Variants in ZNF609 observed in about 807,000 individuals in gnomAD.
ZNF609 encodes the protein zinc finger protein 609.
In ZNF609, 11 loss-of-function variants were observed where a neutral mutation model predicts 109.5. The ratio of observed to expected loss-of-function variants is 0.10; its 90% CI spans 0.06 to 0.17. ZNF609 has a LOEUF of 0.17. ZNF609 is among the 10% of genes least tolerant of loss of function. The pLI, the probability that ZNF609 is intolerant of heterozygous loss-of-function variation, is 1.00. For synonymous variants in ZNF609, 646 were observed against 662.0 expected (o/e 0.98, Z 0.37); for missense variants, 1,559 against 1,772.4 (o/e 0.88, Z 2.16).
intron 3 of ZNF609, among the ~76,000 whole-genome samples, chr15:64,647,175 T>C (rs1896348848): frequency 6.6e-6 from 1 of 151,008 alleles, no homozygotes. Context: ...ACAATGTGGA[T>C]GAACCTTGAA....
At chr15:64,466,389 C>T (rs868366297) in intron 1 of ZNF609, among the ~76,000 whole-genome samples, 15 of 152,182 alleles carry the variant, frequency 9.9e-5, no homozygotes, top group African/African-American at 3.4e-4. Context: ...TGCCCCTTCT[C>T]TTGAAACACA....
Position 64,680,749 on chromosome 15 carries a change from G to T in ZNF609, c.4049G>T (p.Ser1350Ile). Reference sequence around the variant, plus strand: ...GGGGGAGCAAGTGGGGGTGAACGGAGTGTTGACCGGCCCCGCACCTCTCCT... The same window carrying T: ...GGGGGAGCAAGTGGGGGTGAACGGATTGTTGACCGGCCCCGCACCTCTCCT... Reference protein sequence around the residue: ...SVGGASGGERSVDRPRTSPSQ... With the variant: ...SVGGASGGERIVDRPRTSPSQ... Residue 1350 changes from serine to isoleucine, a missense_variant, in exon 8 of 10, where the codon AGT becomes ATT. Physicochemically the swap from Ser to Ile is moderately radical, Grantham distance 142 (BLOSUM62 -2). This residue lies in a region of ZNF609 where 1,204 missense variants were observed against 1,314.1 expected (regional missense o/e 0.92). Coordinates refer to ENST00000326648, the MANE Select transcript of ZNF609 (RefSeq NM_015042.2). The T allele has an allele frequency of 6.2e-7, 1 of 1,613,656 alleles. No individual in the cohort carries two copies. Among genetic ancestry groups the T allele is most frequent in the Non-Finnish European group, 8.5e-7 (1 of 1,180,004 alleles).
intron 2 of ZNF609, among the ~76,000 whole-genome samples, chr15:64,534,858 C>G (rs1259547144): frequency 6.6e-6 from 1 of 151,864 alleles, no homozygotes; most frequent in Non-Finnish European, 1.5e-5. Flanking sequence ...CGTGGTGAAA[C>G]CCTATCTCCA....
At position 64,673,911 on chromosome 15, in the gene ZNF609, C is replaced by A; in HGVS notation, c.1062-5C>A. 6.2e-7 allele frequency: 1 copy of A among 1,607,150 alleles called. No individual in the cohort carries two copies. The highest frequency in any genetic ancestry group is 8.5e-7 in the Non-Finnish European group (1 of 1,175,598). On this transcript the variant is annotated splice_polypyrimidine_tract_variant and splice_region_variant and intron_variant, in intron 4 of 9. Transcript: ENST00000326648. ...AATATTCTGTTGTGTTTATCCTTTG[C>A]CAAGGTTCTGTGACTCCCCGACCAG...
intron 3 of ZNF609, among the ~76,000 whole-genome samples, chr15:64,623,558 C>T (rs1895910315): frequency 6.6e-6 from 1 of 152,146 alleles, no homozygotes; most frequent in Non-Finnish European, 1.5e-5. Flanking sequence ...GCCACCCACA[C>T]CGCTTCATGT....
chr15:64,623,102 G>A, intron 3 of ZNF609, 50 bp downstream of exon 3: 1 of 1,568,384 alleles, frequency 6.4e-7, no homozygotes, highest in Non-Finnish European at 8.8e-7. Flanking sequence ...GCTTCTGCAG[G>A]GGAGCCACCA....
chr15:64,547,141 C>T (rs1372336978), intron 2 of ZNF609, among the ~76,000 whole-genome samples: 2 of 147,152 alleles, frequency 1.4e-5, no homozygotes, highest in East Asian at 3.9e-4. Flanking sequence ...TTTCATTTTT[C>T]ATTTGTTTGC....
intron 3 of ZNF609, among the ~76,000 whole-genome samples, chr15:64,627,652 T>C (rs901971973): frequency 3.2e-5 from 4 of 125,364 alleles, no homozygotes; most frequent in African/African-American, 1.2e-4. Context: ...TTTTTAGTTC[T>C]TTTTTTCTTT....
At chr15:64,565,767 A>C (rs1894766218) in intron 2 of ZNF609, among the ~76,000 whole-genome samples, 1 of 152,230 alleles carries the variant, frequency 6.6e-6, no homozygotes, top group South Asian at 2.1e-4. Flanking sequence ...GACTAAACTA[A>C]GGAGGACAGT....
chr15:64,644,152 AAAC>A (rs965692360), intron 3 of ZNF609, among the ~76,000 whole-genome samples: 18 of 152,272 alleles, frequency 1.2e-4, no homozygotes, highest in African/African-American at 3.6e-4. Context: ...TATTTATTTT[AAAC>A]AACAACATCT....
At chr15:64,523,460 T>C (rs886673688) in intron 2 of ZNF609, among the ~76,000 whole-genome samples, 3 of 152,050 alleles carry the variant, frequency 2.0e-5, no homozygotes, top group Non-Finnish European at 2.9e-5. Flanking sequence ...TTTCAGGAAA[T>C]CTAGGAAAAT....
In ZNF609 at chr15:64,680,724, G is replaced by C. The variant is rs775815960; in HGVS notation, c.4024G>C (p.Gly1342Arg). 16 of 1,613,210 alleles carry C rather than the reference G, an allele frequency of 9.9e-6. No individual in the cohort carries two copies. Among genetic ancestry groups the C allele is most frequent in the Non-Finnish European group, 1.4e-5 (16 of 1,179,942 alleles). ...VGGGGSCSSV[G>R]GASGGERSVD... is the part of the protein sequence containing the mutation. ...GGGTGGTGGCAGCTGTAGCAGCGTC[G>C]GGGGAGCAAGTGGGGGTGAACGGAG... Residue 1342 changes from glycine (G) to arginine (R), a missense_variant, in exon 8 of 10, where the codon GGG (glycine) becomes CGG (arginine). Coordinates refer to ENST00000326648, the MANE Select transcript of ZNF609 (RefSeq NM_015042.2).
rs1269437354 is a variant in ZNF609, at chr15:64,681,326, A to G, written c.4180A>G (p.Ile1394Val). The G allele has an allele frequency of 3.7e-6, 6 of 1,613,972 alleles. No homozygotes were observed. The highest frequency in any genetic ancestry group is 1.3e-5 in the African/African-American group (1 of 74,914). ...TTATTCAGGGCTTTCTTCTACAGCC[A>G]TTGTTGCCAGCCAACAAGGCTCAAC... Reference protein sequence around the residue: ...PYAAGLSSTAIVASQQGSTPS... With the variant: ...PYAAGLSSTAVVASQQGSTPS... The change falls in exon 9 of 10, where the codon ATT becomes GTT. Residue 1394 changes from isoleucine (I) to valine (V), a missense_variant. Physicochemically the swap from Ile to Val is conservative, Grantham distance 29 (BLOSUM62 3). Around this residue, in one of 4 missense-constraint regions of ZNF609, gnomAD observed 1,204 missense variants for 1,314.1 expected, o/e 0.92. Transcript: ENST00000326648.
rs1893525425 is a variant in ZNF609, at chr15:64,499,332, C to A, written c.-88C>A. ...ACTGGGCATGTACTGACCAATGTGG[C>A]AGGTCTGAGAACATAGCTGAAGCTG... On this transcript the variant is annotated 5_prime_UTR_variant, in exon 2 of 10. Transcript: ENST00000326648. 8 of 1,517,062 alleles carry A rather than the reference C, an allele frequency of 5.3e-6. No homozygotes were observed. The African/African-American group carries it at 6.9e-5, about 13-fold the overall frequency. The allele number at this position is 1,517,062 out of a possible 1,614,324, so 94.0% of individuals were successfully genotyped here.
At chr15:64,533,209 C>A (rs1317935148) in intron 2 of ZNF609, among the ~76,000 whole-genome samples, 1 of 152,028 alleles carries the variant, frequency 6.6e-6, no homozygotes, top group African/African-American at 2.4e-5. Flanking sequence ...TGCCACCACG[C>A]CTGGCTAATG....
chr15:64,674,479 A>G lies in ZNF609; in HGVS notation c.1625A>G (p.His542Arg), dbSNP rs144552987. The change falls in exon 5 of 10, where the codon CAT becomes CGT. Residue 542 changes from histidine to arginine, a missense_variant. This residue lies in a region of ZNF609 where 1,204 missense variants were observed against 1,314.1 expected (regional missense o/e 0.92). Coordinates refer to ENST00000326648, the MANE Select transcript of ZNF609 (RefSeq NM_015042.2). Reference sequence around the variant, plus strand: ...GAGTACGGAGAGGAACCTATTCTCCATGCAGATCTTGGGAGCTGCAACGGT... The same window carrying G: ...GAGTACGGAGAGGAACCTATTCTCCGTGCAGATCTTGGGAGCTGCAACGGT... ...DSEYGEEPIL[H>R]ADLGSCNGAS... The G allele has an allele frequency of 6.2e-7, 1 of 1,614,196 alleles. No individual in the cohort carries two copies.
chr15:64,579,937 A>G (rs916799790), intron 2 of ZNF609, among the ~76,000 whole-genome samples: 3 of 152,154 alleles, frequency 2.0e-5, no homozygotes, highest in African/African-American at 7.2e-5. Flanking sequence ...CTCCTCCAAA[A>G]AAAATCTATT....
chr15:64,500,015 A>C lies in ZNF609; in HGVS notation c.596A>C (p.Asp199Ala). 1 of 1,614,118 alleles carries C rather than the reference A, an allele frequency of 6.2e-7. No individual in the cohort carries two copies. The highest frequency in any genetic ancestry group is 8.5e-7 in the Non-Finnish European group (1 of 1,180,024). ...TTGGGAGGACGGGGTGGTCAGTATG[A>C]TGGAAGTGCAGGGGTGGATACAGGA... ...VPLGGRGGQY[D>A]GSAGVDTGAV... The change falls in exon 2 of 10, where the codon GAT (aspartate) becomes GCT (alanine). Residue 199 changes from aspartate (D) to alanine (A), a missense_variant. Asp to Ala is a moderately radical substitution (Grantham distance 126). Coordinates refer to ENST00000326648, the MANE Select transcript of ZNF609 (RefSeq NM_015042.2).
intron 1 of ZNF609, among the ~76,000 whole-genome samples, chr15:64,481,990 G>T (rs894434561): frequency 1.3e-5 from 2 of 152,088 alleles, no homozygotes; most frequent in Non-Finnish European, 2.9e-5. Flanking sequence ...TCACCATGTT[G>T]ATCAGGCTGG....
Sources: gnomAD v4.1 joint callset for allele counts (sites outside exome capture counted in the v4.1 genomes callset) on GRCh38, gnomAD v4.1.1 for gene constraint, gnomAD v4.1.1 regional missense constraint, MANE v1.5 for transcripts, NCBI Gene and HGNC (gene_info 2026-07-23, HGNC 2026-07-21) for gene names.